The following PRKCA variants were observed in gnomAD, a reference collection of about 807,000 sequenced individuals.
The protein encoded by PRKCA is protein kinase C alpha.
A neutral mutation model predicts 87.0 loss-of-function variants in PRKCA; 27 were observed. The ratio of observed to expected loss-of-function variants is 0.31; its 90% CI spans 0.23 to 0.43. The LOEUF is 0.43. PRKCA is among the 20% of genes least tolerant of loss of function. The pLI is 1.00. For missense variants in PRKCA, 518 were observed against 852.3 expected, an observed-to-expected ratio of 0.61 and a Z score of 4.88; for synonymous variants, 329 against 311.1, an observed-to-expected ratio of 1.06 and a Z score of -0.61.
chr17:66,786,788 C>G (rs1975406545), intron 14 of PRKCA, 79 bp from the exon 15 acceptor site: 5 of 1,146,344 alleles, frequency 4.4e-6, no homozygotes, highest in Non-Finnish European at 2.6e-6. Flanking sequence ...TTCCTTGGTG[C>G]TGAATTGGCT....
chr17:66,545,299 G>A (rs1968114858), intron 3 of PRKCA, among the ~76,000 whole-genome samples: 1 of 152,122 alleles, frequency 6.6e-6, no homozygotes, highest in African/African-American at 2.4e-5. Flanking sequence ...CGTGGTGGCG[G>A]GTGCCTGTAG....
intron 2 of PRKCA, among the ~76,000 whole-genome samples, chr17:66,417,445 G>A (rs1474423641): frequency 1.3e-5 from 2 of 152,006 alleles, no homozygotes; most frequent in Non-Finnish European, 2.9e-5. Flanking sequence ...ACTGTCCTGT[G>A]TTGCCTCTGT....
chr17:66,361,959 T>C (rs975797612), intron 2 of PRKCA, among the ~76,000 whole-genome samples: 2 of 152,194 alleles, frequency 1.3e-5, no homozygotes, highest in African/African-American at 2.4e-5. Context: ...GGCCATGGTA[T>C]CATCTAGTGA....
intron 2 of PRKCA, among the ~76,000 whole-genome samples, chr17:66,477,824 T>C (rs189669703): frequency 1.9e-3 from 287 of 152,338 alleles, no homozygotes; most frequent in African/African-American, 6.3e-3. Flanking sequence ...CAGTCCTTTT[T>C]AGAACATTCT....
chr17:66,341,874 T>C (rs1231736589), intron 2 of PRKCA, among the ~76,000 whole-genome samples: 1 of 152,222 alleles, frequency 6.6e-6, no homozygotes, highest in Non-Finnish European at 1.5e-5. Flanking sequence ...CTTATAAAAT[T>C]GTGATAAAGA....
chr17:66,324,601 G>A (rs1905869115), intron 2 of PRKCA, among the ~76,000 whole-genome samples: 1 of 151,870 alleles, frequency 6.6e-6, no homozygotes, highest in Non-Finnish European at 1.5e-5. Context: ...CAACAGAGTG[G>A]GACTCTGTCT....
chr17:66,571,378 A>C (rs939721687), intron 3 of PRKCA, among the ~76,000 whole-genome samples: 2 of 152,204 alleles, frequency 1.3e-5, no homozygotes, highest in Admixed American at 6.5e-5. Flanking sequence ...GGTATATACA[A>C]ATATGTTTAA....
Position 66,324,409 on chromosome 17 carries a change from C to G in PRKCA, c.205+18282C>G, listed in dbSNP as rs187131170. ...CTGAGGTCAGGAGTTCGAGGCCAAC[C>G]TGGCCAACATGGTGAAACCCTGTCT... On this transcript the variant is annotated intron_variant, in intron 2 of 16. Coordinates refer to ENST00000413366, the MANE Select transcript of PRKCA (RefSeq NM_002737.3). Among the ~76,000 whole-genome samples, 470 of 145,584 alleles carry G rather than the reference C, an allele frequency of 3.2e-3. 1 individual carries two copies. The highest frequency in any genetic ancestry group is 8.3e-3 in the South Asian group (38 of 4,606).
intron 2 of PRKCA, among the ~76,000 whole-genome samples, chr17:66,490,149 A>C (rs57037655): frequency 0.14 from 21,968 of 152,102 alleles, 1,722 homozygotes; most frequent in Middle Eastern, 0.22. Context: ...AGTCTATATA[A>C]GCAAGGTTCT....
At chr17:66,716,745 C>T (rs193046071) in intron 8 of PRKCA, among the ~76,000 whole-genome samples, 1 of 152,300 alleles carries the variant, frequency 6.6e-6, no homozygotes, top group East Asian at 1.9e-4. Flanking sequence ...TGAAAAGAAC[C>T]AAGCACTTCG....
intron 3 of PRKCA, among the ~76,000 whole-genome samples, chr17:66,609,102 C>A (rs917432145): frequency 3.3e-5 from 5 of 152,216 alleles, no homozygotes; most frequent in Admixed American, 2.0e-4. Flanking sequence ...TCAGACTAAT[C>A]ATTTTGCTGA....
intron 13 of PRKCA, among the ~76,000 whole-genome samples, chr17:66,749,006 GC>G (rs2144257571): frequency 6.6e-5 from 10 of 151,350 alleles, no homozygotes; most frequent in Admixed American, 3.9e-4. Flanking sequence ...ACCAGGACGG[GC>G]GGGTATTAGG....
At chr17:66,417,091 G>A (rs76944421) in intron 2 of PRKCA, among the ~76,000 whole-genome samples, 6,375 of 152,078 alleles carry the variant, frequency 0.042, 196 homozygotes, top group Admixed American at 0.076. Flanking sequence ...TAGAGATGGG[G>A]GTTTTGCCAT....
chr17:66,325,895 C>T (rs902241183), intron 2 of PRKCA, among the ~76,000 whole-genome samples: 3 of 152,114 alleles, frequency 2.0e-5, no homozygotes, highest in Non-Finnish European at 4.4e-5. Flanking sequence ...CCTTTTAAAA[C>T]TGGACTTTTG....
At chr17:66,372,471 T>G (rs1397565493) in intron 2 of PRKCA, among the ~76,000 whole-genome samples, 2 of 152,324 alleles carry the variant, frequency 1.3e-5, no homozygotes, top group East Asian at 3.9e-4. Context: ...ACAAACACTT[T>G]CCTGAGAGGT....
intron 5 of PRKCA, among the ~76,000 whole-genome samples, chr17:66,679,510 C>T (rs957832295): frequency 6.6e-6 from 1 of 152,202 alleles, no homozygotes; most frequent in Non-Finnish European, 1.5e-5. Flanking sequence ...AGGTGCAGCA[C>T]CTTTAAACCC....
intron 2 of PRKCA, among the ~76,000 whole-genome samples, chr17:66,485,500 G>C (rs575502161): frequency 6.6e-6 from 1 of 152,190 alleles, no homozygotes; most frequent in Non-Finnish European, 1.5e-5. Flanking sequence ...TTTGCATTAC[G>C]TGAGAATCGA....
At chr17:66,758,037 T>C (rs138612409) in intron 13 of PRKCA, among the ~76,000 whole-genome samples, 178 of 152,222 alleles carry the variant, frequency 1.2e-3, no homozygotes, top group African/African-American at 4.1e-3. Flanking sequence ...AAGAAGTTCT[T>C]TAGAGAGAAG....
intron 3 of PRKCA, among the ~76,000 whole-genome samples, chr17:66,620,853 A>G (rs940448521): frequency 3.3e-5 from 5 of 152,366 alleles, no homozygotes; most frequent in African/African-American, 1.2e-4. Context: ...TCTGTCTTGC[A>G]GCTAACAAAA....
Sources: allele counts gnomAD v4.1 joint callset (sites outside exome capture counted in the v4.1 genomes callset), GRCh38; gene constraint gnomAD v4.1.1; transcripts MANE v1.5; gene names NCBI Gene and HGNC (gene_info 2026-07-23, HGNC 2026-07-21).